The following DHRSX variants were observed in gnomAD, a reference collection of about 807,000 sequenced individuals.
The protein encoded by DHRSX is polyprenol dehydrogenase.
In DHRSX, 31 loss-of-function variants were observed where a neutral mutation model predicts 34.0. The observed-to-expected ratio is 0.91, with a 90% CI of 0.69 to 1.23. DHRSX has a LOEUF of 1.23. DHRSX is among the 50% of genes most tolerant of loss of function. DHRSX has a pLI of 0.00. For missense variants in DHRSX, 414 were observed against 428.1 expected (o/e 0.97, Z 0.29); for synonymous variants, 201 against 183.8 (o/e 1.09, Z -0.76).
chrX:2,447,532 G>A (rs1414845914), intron 1 of DHRSX, among the ~76,000 whole-genome samples: 1 of 152,024 alleles, frequency 6.6e-6, no homozygotes, highest in Non-Finnish European at 1.5e-5. Flanking sequence ...CCACCATAAG[G>A]TGTGTACCCA....
At chrX:2,452,392 C>T (rs1228337964) in intron 1 of DHRSX, among the ~76,000 whole-genome samples, 1 of 151,194 alleles carries the variant, frequency 6.6e-6, no homozygotes, top group African/African-American at 2.4e-5. Flanking sequence ...GTTCCCTAAG[C>T]ATGTAGCCAA....
intron 3 of DHRSX, among the ~76,000 whole-genome samples, chrX:2,373,080 G>A (rs60181945): frequency 0.061 from 9,329 of 152,234 alleles, 567 homozygotes; most frequent in African/African-American, 0.15. Context: ...AATCACGACG[G>A]AAGACGAAAA....
chrX:2,232,530 T>C (rs1192884048), intron 6 of DHRSX, among the ~76,000 whole-genome samples: 1 of 152,026 alleles, frequency 6.6e-6, no homozygotes, highest in Non-Finnish European at 1.5e-5. Context: ...GCACCCCTGG[T>C]ATTTCTAACT....
intron 3 of DHRSX, among the ~76,000 whole-genome samples, chrX:2,380,300 CAAAAAAAA>C (rs60910908): frequency 1.7e-4 from 7 of 41,602 alleles, no homozygotes; most frequent in African/African-American, 3.0e-4. Flanking sequence ...GACTCCGTCT[CAAAAAAAA>C]AAAAAAAAAA....
At chrX:2,435,961 G>A (rs139896379) in intron 1 of DHRSX, among the ~76,000 whole-genome samples, 2,403 of 152,272 alleles carry the variant, frequency 0.016, 26 homozygotes, top group Non-Finnish European at 0.024. Flanking sequence ...TTGGGAGGCC[G>A]AGGCAGGCGG....
At chrX:2,467,615 G>T (rs1007293629) in intron 1 of DHRSX, among the ~76,000 whole-genome samples, 8 of 137,550 alleles carry the variant, frequency 5.8e-5, no homozygotes, top group Non-Finnish European at 1.2e-4. Flanking sequence ...GGACATGGAA[G>T]GTGGAAGACT....
intron 3 of DHRSX, among the ~76,000 whole-genome samples, chrX:2,314,368 GAGAGGGA>G: frequency 3.2e-5 from 1 of 30,940 alleles, no homozygotes; most frequent in Non-Finnish European, 7.3e-5. Flanking sequence ...AAAGAAGGGA[GAGAGGGA>G]AAGGAATGGA....
intron 3 of DHRSX, among the ~76,000 whole-genome samples, chrX:2,299,230 C>T (rs1048581075): frequency 6.6e-5 from 10 of 152,114 alleles, no homozygotes; most frequent in African/African-American, 9.7e-5. Flanking sequence ...GTGCTTTTCA[C>T]AGTAACCCTA....
At chrX:2,351,218 GCA>G (rs2042785332) in intron 3 of DHRSX, among the ~76,000 whole-genome samples, 1 of 152,156 alleles carries the variant, frequency 6.6e-6, no homozygotes, top group Non-Finnish European at 1.5e-5. Flanking sequence ...TGCACGTTCT[GCA>G]CATGTATCCC....
At chrX:2,354,311 G>A (rs1424781097) in intron 3 of DHRSX, among the ~76,000 whole-genome samples, 3 of 152,120 alleles carry the variant, frequency 2.0e-5, no homozygotes, top group Admixed American at 6.6e-5. Flanking sequence ...CGTCCACTTC[G>A]GCTGCACCAT....
At chrX:2,455,389 C>T (rs2044281869) in intron 1 of DHRSX, among the ~76,000 whole-genome samples, 1 of 150,758 alleles carries the variant, frequency 6.6e-6, no homozygotes, top group Non-Finnish European at 1.5e-5. Context: ...TACACTAAAC[C>T]CCCAGGACAT....
At chrX:2,354,215 T>A (rs2042821565) in intron 3 of DHRSX, among the ~76,000 whole-genome samples, 1 of 152,156 alleles carries the variant, frequency 6.6e-6, no homozygotes, top group African/African-American at 2.4e-5. Flanking sequence ...AGCACAACAA[T>A]AATGAACTGT....
At chrX:2,282,502 T>C (rs2041719670) in intron 4 of DHRSX, among the ~76,000 whole-genome samples, 2 of 128,826 alleles carry the variant, frequency 1.6e-5, no homozygotes, top group South Asian at 2.5e-4. Context: ...ACAAAGGAGA[T>C]AGAGAGACAA....
At chrX:2,282,606 G>C (rs188107700) in intron 4 of DHRSX, among the ~76,000 whole-genome samples, 2 of 141,136 alleles carry the variant, frequency 1.4e-5, no homozygotes, top group East Asian at 4.5e-4. Flanking sequence ...AGGGGAGAGA[G>C]AAGAAAGAGG....
intron 6 of DHRSX, among the ~76,000 whole-genome samples, chrX:2,232,574 T>A (rs2015921200): frequency 6.6e-6 from 1 of 151,806 alleles, no homozygotes; most frequent in South Asian, 2.1e-4. Flanking sequence ...AATCAGCATT[T>A]TTTTTTATTT....
At chrX:2,240,670 C>T (rs1396391911) in intron 6 of DHRSX, among the ~76,000 whole-genome samples, 1 of 151,984 alleles carries the variant, frequency 6.6e-6, no homozygotes, top group Non-Finnish European at 1.5e-5. Context: ...AATTCCTCAA[C>T]CCATGCGGTT....
intron 3 of DHRSX, among the ~76,000 whole-genome samples, chrX:2,293,838 C>T (rs1222469833): frequency 1.3e-5 from 2 of 152,054 alleles, no homozygotes; most frequent in African/African-American, 4.8e-5. Flanking sequence ...AGGGGTCTGC[C>T]TGTGCCCCCC....
chrX:2,289,812 G>A (rs1172651855), intron 4 of DHRSX, among the ~76,000 whole-genome samples: 4 of 152,190 alleles, frequency 2.6e-5, no homozygotes, highest in Non-Finnish European at 2.9e-5. Context: ...TTATGCCTGC[G>A]TAGAAACTTC....
At chrX:2,337,270 A>G (rs1475516591) in intron 3 of DHRSX, among the ~76,000 whole-genome samples, 4 of 152,122 alleles carry the variant, frequency 2.6e-5, no homozygotes, top group Admixed American at 6.6e-5. Flanking sequence ...TCCCAGGTTC[A>G]GGACTGATGG....
Sources: gnomAD v4.1 joint callset for allele counts (sites outside exome capture counted in the v4.1 genomes callset) on GRCh38, gnomAD v4.1.1 for gene constraint, MANE v1.5 for transcripts, NCBI Gene and HGNC (gene_info 2026-07-23, HGNC 2026-07-21) for gene names.